KCNH5: variants seen among roughly 807,000 people sequenced by gnomAD.
KCNH5 encodes potassium voltage-gated channel subfamily H member 5, also known as voltage-gated delayed rectifier potassium channel KCNH5.
A neutral mutation model predicts 96.1 loss-of-function variants in KCNH5; 46 were observed. The ratio of observed to expected loss-of-function variants is 0.48; its 90% CI spans 0.38 to 0.61. KCNH5 has a LOEUF of 0.61. KCNH5 is among the 20% of genes least tolerant of loss of function. The pLI, the probability that KCNH5 is intolerant of heterozygous loss-of-function variation, is 0.00. For synonymous variants in KCNH5, 439 were observed against 449.8 expected, an observed-to-expected ratio of 0.98 and a Z score of 0.30; for missense variants, 907 against 1,225.8, an observed-to-expected ratio of 0.74 and a Z score of 3.88.
intron 4 of KCNH5, among the ~76,000 whole-genome samples, chr14:62,993,308 G>C (rs377511135): frequency 2.0e-5 from 3 of 151,978 alleles, no homozygotes; most frequent in Admixed American, 2.0e-4. Context: ...GGTTTTTTTA[G>C]TTCCATATGA....
chr14:63,042,811 T>G (rs1458337217), intron 1 of KCNH5, among the ~76,000 whole-genome samples: 3 of 152,112 alleles, frequency 2.0e-5, no homozygotes, highest in African/African-American at 7.2e-5. Flanking sequence ...ATTTCTGAGG[T>G]TCTGCCTATA....
At chr14:62,987,026 G>T in intron 5 of KCNH5, 46 bp downstream of exon 5, 1 of 1,255,026 alleles carries the variant, frequency 8.0e-7, no homozygotes, top group Non-Finnish European at 1.2e-6. Context: ...GAAGAAAAAT[G>T]TACCAACACC....
intron 7 of KCNH5, among the ~76,000 whole-genome samples, chr14:62,939,525 A>G (rs1889748197): frequency 6.6e-6 from 1 of 152,198 alleles, no homozygotes; most frequent in African/African-American, 2.4e-5. Flanking sequence ...TTCCTATTTT[A>G]GAAAAAAGCT....
At chr14:62,728,922 A>G (rs1884992898) in intron 10 of KCNH5, among the ~76,000 whole-genome samples, 1 of 152,260 alleles carries the variant, frequency 6.6e-6, no homozygotes, top group South Asian at 2.1e-4. Flanking sequence ...GGGCATTTAA[A>G]GAACCTTGAG....
chr14:62,916,220 G>C (rs1017842708), intron 7 of KCNH5, among the ~76,000 whole-genome samples: 1 of 152,050 alleles, frequency 6.6e-6, no homozygotes, highest in Admixed American at 6.5e-5. Flanking sequence ...CCAAAGTGCT[G>C]GGATTACAGG....
rs534892535 is a variant in KCNH5 at position 63,022,445 on chromosome 14, T to C, written c.74-5491A>G. Among the ~76,000 whole-genome samples the C allele has an allele frequency of 7.8e-5, 10 of 128,970 alleles. No individual in the cohort carries two copies. In the East Asian group the frequency reaches 2.5e-3, roughly 32 times the overall value. 84.6% of individuals were successfully genotyped at this position (128,970 alleles called of 152,430 possible). A position where few individuals can be genotyped will look rare whatever the true frequency, so the allele number is the denominator to read the frequency against. On this transcript the variant is annotated intron_variant, in intron 1 of 10. Transcript: ENST00000322893. ...TTTTATACTGAAGCCAAACGAGTTT[T>C]TTGTTTGTTTGTTTGTTTGTTTGTT... is the stretch of plus-strand genomic sequence containing the variant.
intron 10 of KCNH5, among the ~76,000 whole-genome samples, chr14:62,727,775 T>TAAA (rs79827478): frequency 8.6e-6 from 1 of 116,056 alleles, no homozygotes. Flanking sequence ...TACAGTCTGG[T>TAAA]AAAAAAAAAA....
intron 10 of KCNH5, among the ~76,000 whole-genome samples, chr14:62,732,936 A>C (rs1885081707): frequency 6.8e-6 from 1 of 147,950 alleles, no homozygotes. Context: ...ATTCTCTCTC[A>C]TCTCTCTCTC....
In KCNH5 at chr14:63,016,813, A is replaced by G; in HGVS notation, c.197+18T>C. 1.9e-6 allele frequency: 3 copies of G among 1,600,208 alleles called. No individual in the cohort carries two copies. In the South Asian group the frequency reaches 3.4e-5, roughly 18 times the overall value. ...TGTTAAATTTCAGAAAAGATTACTT[A>G]GCTATTCTGTTACCTACCTGCAAGT... On this transcript the variant is annotated intron_variant, in intron 2 of 10. Transcript: ENST00000322893.
At chr14:63,021,837 T>A (rs1891433596) in intron 1 of KCNH5, among the ~76,000 whole-genome samples, 2 of 152,152 alleles carry the variant, frequency 1.3e-5, no homozygotes, top group African/African-American at 4.8e-5. Context: ...AGAACACCAT[T>A]CACTTGTTTC....
intron 1 of KCNH5, among the ~76,000 whole-genome samples, chr14:63,038,293 G>A (rs1034612727): frequency 6.6e-6 from 1 of 152,134 alleles, no homozygotes; most frequent in Middle Eastern, 3.2e-3. Context: ...GCACAGTGGA[G>A]GACATAAAAG....
intron 8 of KCNH5, among the ~76,000 whole-genome samples, chr14:62,831,576 T>C (rs1887350390): frequency 6.6e-6 from 1 of 152,232 alleles, no homozygotes; most frequent in Non-Finnish European, 1.5e-5. Context: ...TATCCATATA[T>C]TTCTTACTGA....
chr14:62,710,763 C>T (rs915065), intron 10 of KCNH5, among the ~76,000 whole-genome samples: 11 of 152,098 alleles, frequency 7.2e-5, no homozygotes, highest in Admixed American at 5.2e-4. Context: ...AAGTGGTAGG[C>T]ACACAGGAAG....
chr14:62,912,288 A>T (rs999993713), intron 7 of KCNH5, among the ~76,000 whole-genome samples: 33 of 152,260 alleles, frequency 2.2e-4, no homozygotes, highest in Admixed American at 1.9e-3. Context: ...TTGGTTGATG[A>T]CAACCATCAA....
chr14:62,961,581 T>C (rs537333263), intron 6 of KCNH5, among the ~76,000 whole-genome samples: 2 of 152,304 alleles, frequency 1.3e-5, no homozygotes, highest in African/African-American at 4.8e-5. Flanking sequence ...TGATGGGCTA[T>C]GTAAGCAAAG....
At chr14:62,852,536 T>C (rs1372936728) in intron 7 of KCNH5, among the ~76,000 whole-genome samples, 1 of 151,950 alleles carries the variant, frequency 6.6e-6, no homozygotes, top group Non-Finnish European at 1.5e-5. Context: ...ACAATTATAG[T>C]AATATATCAA....
At chr14:62,811,676 AT>A (rs1367198485) in intron 8 of KCNH5, among the ~76,000 whole-genome samples, 1 of 152,174 alleles carries the variant, frequency 6.6e-6, no homozygotes, top group East Asian at 1.9e-4. Context: ...ATCAATAGAT[AT>A]TTCAGACTTG....
At chr14:62,730,407 C>A (rs983134275) in intron 10 of KCNH5, among the ~76,000 whole-genome samples, 1 of 152,118 alleles carries the variant, frequency 6.6e-6, no homozygotes, top group African/African-American at 2.4e-5. Context: ...TATTATCCTA[C>A]CTCCTTGGAT....
intron 7 of KCNH5, among the ~76,000 whole-genome samples, chr14:62,852,605 T>C (rs80061583): frequency 6.8e-5 from 10 of 147,074 alleles, no homozygotes; most frequent in Non-Finnish European, 4.5e-5. Flanking sequence ...TTTTTTTTTT[T>C]GGCCAGTTTT....
Sources: allele counts gnomAD v4.1 joint callset (sites outside exome capture counted in the v4.1 genomes callset), GRCh38; gene constraint gnomAD v4.1.1; transcripts MANE v1.5; gene names NCBI Gene and HGNC (gene_info 2026-07-23, HGNC 2026-07-21).